Variants in RBM19 observed in about 807,000 individuals in gnomAD.
The protein encoded by RBM19 is probable RNA-binding protein 19.
Under a neutral mutation model 116.8 loss-of-function variants are expected in RBM19, and 94 were observed. That is an observed-to-expected ratio of 0.80 (90% CI 0.68 to 0.95). RBM19 has a LOEUF of 0.95. RBM19 is among the 40% of genes least tolerant of loss of function. The probability of loss-of-function intolerance (pLI) is 0.00; values close to 1 mark genes in which losing one functional copy is unlikely to be tolerated. For missense variants in RBM19, 1,161 were observed against 1,220.7 expected, an observed-to-expected ratio of 0.95 and a Z score of 0.73; for synonymous variants, 475 against 494.1, an observed-to-expected ratio of 0.96 and a Z score of 0.51.
intron 22 of RBM19, among the ~76,000 whole-genome samples, chr12:113,849,320 G>A (rs1460923264): frequency 6.6e-6 from 1 of 152,248 alleles, no homozygotes; most frequent in Non-Finnish European, 1.5e-5. Flanking sequence ...TGTTCACAAA[G>A]CACACTGTGG....
intron 21 of RBM19, among the ~76,000 whole-genome samples, chr12:113,859,774 T>C (rs1435510976): frequency 6.6e-6 from 1 of 152,196 alleles, no homozygotes; most frequent in Non-Finnish European, 1.5e-5. Flanking sequence ...CGATAAATAT[T>C]TAATGTGCAC....
intron 10 of RBM19, 123 bp from the exon 11 acceptor site, chr12:113,947,587 CGT>C: frequency 9.5e-7 from 1 of 1,054,218 alleles, no homozygotes; most frequent in South Asian, 2.2e-5. Context: ...CAGTCCCCTA[CGT>C]GTGTCTATCC....
chr12:113,830,533 G>A (rs1362976007), intron 23 of RBM19, among the ~76,000 whole-genome samples: 1 of 137,654 alleles, frequency 7.3e-6, no homozygotes, highest in Non-Finnish European at 1.5e-5. Context: ...AGGTGCTGCA[G>A]CCCTGATACC....
intron 21 of RBM19, among the ~76,000 whole-genome samples, chr12:113,887,856 G>A (rs895239837): frequency 6.6e-6 from 1 of 151,832 alleles, no homozygotes; most frequent in Non-Finnish European, 1.5e-5. Context: ...GAGTACCTGG[G>A]ACTACAAGAG....
Position 113,825,472 on chromosome 12 carries a change from T to C in RBM19, c.2786-2151A>G, listed in dbSNP as rs990339437. ...GCACAATGGCCTCTGGAAATTGAATTTGTGGGCAGGTAATAGGAACTGGAA... is the reference window on the plus strand; with the variant it reads ...GCACAATGGCCTCTGGAAATTGAATCTGTGGGCAGGTAATAGGAACTGGAA... On this transcript the variant is annotated intron_variant, in intron 23 of 23. Coordinates refer to ENST00000261741, the MANE Select transcript of RBM19 (RefSeq NM_016196.4). This position sits in a 1 kb window ranked among gnomAD's most constrained non-coding sequence, Gnocchi z 5.7. Among the ~76,000 whole-genome samples, 1 of 152,138 alleles carries C rather than the reference T, an allele frequency of 6.6e-6. No homozygotes were observed. Among genetic ancestry groups the C allele is most frequent in the Non-Finnish European group, 1.5e-5 (1 of 68,018 alleles).
downstream of RBM19, among the ~76,000 whole-genome samples, chr12:113,820,983 G>A (rs1175039120): frequency 6.6e-6 from 1 of 152,208 alleles, no homozygotes; most frequent in African/African-American, 2.4e-5. Context: ...TCATTTCACT[G>A]TGTGAGCCCT....
chr12:113,862,233 T>C (rs1056056430), intron 21 of RBM19, among the ~76,000 whole-genome samples: 6 of 152,184 alleles, frequency 3.9e-5, no homozygotes, highest in Non-Finnish European at 8.8e-5. Flanking sequence ...GCCTCTGTTT[T>C]ACAGATGGGA....
chr12:113,841,398 G>A (rs1451858014), intron 23 of RBM19, among the ~76,000 whole-genome samples: 1 of 151,884 alleles, frequency 6.6e-6, no homozygotes, highest in Non-Finnish European at 1.5e-5. Flanking sequence ...GTTTAGTGAC[G>A]GCCTGGGACT....
chr12:113,922,701 C>T (rs548239308), intron 18 of RBM19, among the ~76,000 whole-genome samples: 38 of 151,712 alleles, frequency 2.5e-4, no homozygotes, highest in African/African-American at 8.7e-4. Context: ...GCACCCAAAA[C>T]TATATCTGAA....
chr12:113,919,427 C>T (rs913978034), intron 19 of RBM19, among the ~76,000 whole-genome samples: 4 of 152,140 alleles, frequency 2.6e-5, no homozygotes, highest in Admixed American at 2.0e-4. Flanking sequence ...AAAAATTAGC[C>T]GGGCTTGGTG....
At chr12:113,844,608 C>A (rs1344150236) in intron 23 of RBM19, 60 bp downstream of exon 23, 2 of 1,549,938 alleles carry the variant, frequency 1.3e-6, no homozygotes. Context: ...GATGTCCCAC[C>A]CACCTCTTGT....
intron 21 of RBM19, among the ~76,000 whole-genome samples, chr12:113,908,350 G>A (rs1371675421): frequency 6.6e-6 from 1 of 152,000 alleles, no homozygotes; most frequent in Non-Finnish European, 1.5e-5. Context: ...GAGCATGAGT[G>A]AGCAAGCTGT....
chr12:113,915,156 T>A, intron 20 of RBM19, 71 bp from the exon 21 acceptor site: 2 of 1,191,094 alleles, frequency 1.7e-6, no homozygotes, highest in Non-Finnish European at 1.3e-6. Flanking sequence ...TTGACTCCAC[T>A]ACGCCTCCAT....
intron 21 of RBM19, among the ~76,000 whole-genome samples, chr12:113,899,530 G>A (rs1475410069): frequency 1.3e-5 from 2 of 152,206 alleles, no homozygotes; most frequent in Non-Finnish European, 2.9e-5. Flanking sequence ...TCTACCCTGA[G>A]GGTTTTAATG....
rs148092321 is a variant in RBM19, at chr12:113,915,017, C to T, written c.2510G>A (p.Arg837Gln). 26 of 1,614,168 alleles carry T rather than the reference C, an allele frequency of 1.6e-5. No individual in the cohort carries two copies. In the Admixed American group the frequency reaches 1.7e-4, roughly 10 times the overall value. ...GCTGTGGGCCTGGAAGGGGATGTTC[C>T]GCACCAGGATCTTGGAGGTGGTCTG... Reference protein sequence around the residue: ...RKQTTSKILVRNIPFQAHSRE... With the variant: ...RKQTTSKILVQNIPFQAHSRE... Residue 837 changes from arginine (R) to glutamine (Q), a missense_variant, in exon 21 of 24, where the codon CGG (arginine) becomes CAG (glutamine). Transcript: ENST00000261741.
Position 113,952,646 on chromosome 12 carries a change from C to A in RBM19, c.922-56G>T, listed in dbSNP as rs557184620. On this transcript the variant is annotated intron_variant, in intron 7 of 23. Transcript: ENST00000261741. ...ACCACATAATAAAAGTACAACCCAA[C>A]GAAAAGACATGGGGCAAATTTCTAA... is the stretch of plus-strand genomic sequence containing the variant. 10 of 1,419,638 alleles carry A rather than the reference C, an allele frequency of 7.0e-6. No homozygotes were observed. In the South Asian group the frequency reaches 1.2e-4, roughly 17 times the overall value. The allele number at this position is 1,419,638 out of a possible 1,614,324, so 87.9% of individuals were successfully genotyped here. A position where few individuals can be genotyped will look rare whatever the true frequency, so the allele number is the denominator to read the frequency against.
At chr12:113,940,491 T>C (rs951851266) in intron 14 of RBM19, among the ~76,000 whole-genome samples, 10 of 152,294 alleles carry the variant, frequency 6.6e-5, no homozygotes, top group South Asian at 2.1e-4. Flanking sequence ...AGGCTTTTTT[T>C]CCTGAACTAC....
rs528516576 is a variant in RBM19 at position 113,895,203 on chromosome 12, A to G, written c.2558+19766T>C. On this transcript the variant is annotated intron_variant, in intron 21 of 23. Transcript: ENST00000261741. ...TATTTGAATTCCCTGGAAAGTGGCCATCTATGGTATTGATGGTAACTCTCC... is the reference window on the plus strand; with the variant it reads ...TATTTGAATTCCCTGGAAAGTGGCCGTCTATGGTATTGATGGTAACTCTCC... Among the ~76,000 whole-genome samples the G allele has an allele frequency of 4.6e-5, 7 of 152,368 alleles. No homozygotes were observed. In the South Asian group the frequency reaches 8.3e-4, roughly 18 times the overall value.
In RBM19 at chr12:113,927,172, G is replaced by C; in HGVS notation, c.2126C>G (p.Ser709Cys). Reference sequence around the variant, plus strand: ...CTCCTCCTCTTCCATCTTTGCTGAAGAGTTGTCTGCTCCTTCCTCTGTTGG... The same window carrying C: ...CTCCTCCTCTTCCATCTTTGCTGAACAGTTGTCTGCTCCTTCCTCTGTTGG... ...ENPTEEGADN[S>C]SAKMEEEEEE... The change falls in exon 17 of 24, where the codon TCT becomes TGT. Residue 709 changes from serine (S) to cysteine (C), a missense_variant. Coordinates refer to ENST00000261741, the MANE Select transcript of RBM19 (RefSeq NM_016196.4). 1 of 1,595,642 alleles carries C rather than the reference G, an allele frequency of 6.3e-7. No homozygotes were observed.
Sources: allele counts gnomAD v4.1 joint callset (sites outside exome capture counted in the v4.1 genomes callset), GRCh38; gene constraint gnomAD v4.1.1; non-coding constraint Gnocchi (gnomAD v3.1); transcripts MANE v1.5; gene names NCBI Gene and HGNC (gene_info 2026-07-23, HGNC 2026-07-21).